Variants in GLB1L3 observed in about 807,000 individuals in gnomAD.
GLB1L3 encodes galactosidase beta 1 like 3.
A neutral mutation model predicts 89.5 loss-of-function variants in GLB1L3; 89 were observed. The ratio of observed to expected loss-of-function variants is 0.99; its 90% confidence interval spans 0.84 to 1.19. GLB1L3 has a LOEUF of 1.19. Among genes scored for constraint, GLB1L3 ranks in the 50% most tolerant of loss-of-function variants. The pLI is 0.00. For missense variants in GLB1L3, 812 were observed against 813.3 expected, an observed-to-expected ratio of 1.00 and a Z score of 0.02; for synonymous variants, 314 against 312.3, an observed-to-expected ratio of 1.01 and a Z score of -0.06.
chr11:134,289,486 G>A (rs368219368), intron 7 of GLB1L3, among the ~76,000 whole-genome samples: 1 of 152,168 alleles, frequency 6.6e-6, no homozygotes, highest in South Asian at 2.1e-4. Flanking sequence ...AGGTTCAACT[G>A]TAGATCAAGT....
intron 3 of GLB1L3, among the ~76,000 whole-genome samples, chr11:134,279,443 T>C (rs149628353): frequency 4.8e-5 from 7 of 147,178 alleles, no homozygotes; most frequent in African/African-American, 7.4e-5. Flanking sequence ...CTCTGCTCAC[T>C]GCAACCTCCC....
chr11:134,320,536 G>GGT (rs1370612386), downstream of GLB1L3, among the ~76,000 whole-genome samples: 1 of 152,106 alleles, frequency 6.6e-6, no homozygotes, highest in African/African-American at 2.4e-5. Context: ...GAGAAACCAA[G>GGT]GTTCAAAGAG....
At chr11:134,282,254 G>A (rs573125881) in intron 5 of GLB1L3, 134 bp downstream of exon 5, 129 of 1,108,522 alleles carry the variant, frequency 1.2e-4, no homozygotes, top group East Asian at 8.9e-4. Flanking sequence ...CCCACGCCAC[G>A]CACCGTGCCT....
intron 15 of GLB1L3, 101 bp from the exon 16 acceptor site, chr11:134,313,295 C>G: frequency 1.2e-6 from 1 of 825,044 alleles, no homozygotes; most frequent in Non-Finnish European, 2.0e-6. Flanking sequence ...GCCTCCTGTT[C>G]TCCCATGTGT....
chr11:134,314,872 T>C (rs1942912605), intron 18 of GLB1L3, among the ~76,000 whole-genome samples: 1 of 152,364 alleles, frequency 6.6e-6, no homozygotes, highest in East Asian at 1.9e-4. Context: ...GTTGGTAAGT[T>C]AGTTTTTACT....
chr11:134,296,083 A>G (rs1266122117), intron 9 of GLB1L3, among the ~76,000 whole-genome samples: 1 of 152,226 alleles, frequency 6.6e-6, no homozygotes, highest in Non-Finnish European at 1.5e-5. Context: ...ATGTGTAGTC[A>G]TGAAAAAATG....
At chr11:134,292,288 G>A (rs980967168) in intron 8 of GLB1L3, 75 bp downstream of exon 8, 20 of 1,042,644 alleles carry the variant, frequency 1.9e-5, no homozygotes, top group Non-Finnish European at 2.8e-5. Context: ...ACACTGCAGA[G>A]AAAACCAAGT....
At chr11:134,319,691 C>CCTCT (rs34982949), downstream of GLB1L3, 3,936 of 143,300 alleles carry the variant, frequency 0.027, 63 homozygotes, top group South Asian at 0.041. Flanking sequence ...CGGTCTCCCT[C>CCTCT]CTCTCTCTCT....
intron 6 of GLB1L3, among the ~76,000 whole-genome samples, chr11:134,286,755 C>G (rs181329087): frequency 6.7e-6 from 1 of 150,238 alleles, no homozygotes; most frequent in Non-Finnish European, 1.5e-5. Flanking sequence ...CCAGCCTGGG[C>G]GACAGAGCGA....
chr11:134,292,797 A>G (rs1941428454), intron 8 of GLB1L3: 1 of 413,770 alleles, frequency 2.4e-6, no homozygotes, highest in Non-Finnish European at 4.4e-6. Context: ...CCTCCTTAGT[A>G]GTGGCTCTTC....
At chr11:134,301,180 G>C (rs1045235490) in intron 9 of GLB1L3, among the ~76,000 whole-genome samples, 8 of 152,180 alleles carry the variant, frequency 5.3e-5, no homozygotes, top group African/African-American at 1.9e-4. Flanking sequence ...GCAGGCATCA[G>C]GTTTTCCATG....
chr11:134,316,880 G>A (rs1943006950), intron 18 of GLB1L3: 1 of 152,186 alleles, frequency 6.6e-6, no homozygotes, highest in South Asian at 2.1e-4. Flanking sequence ...CCATGTTTTG[G>A]GGGACATTGA....
chr11:134,277,532 C>A, intron 2 of GLB1L3, 81 bp downstream of exon 2: 1 of 1,560,778 alleles, frequency 6.4e-7, no homozygotes, highest in Non-Finnish European at 8.8e-7. Flanking sequence ...CGAATATGCA[C>A]AGAACACGTC....
chr11:134,284,816 AT>A (rs991345555), intron 6 of GLB1L3, among the ~76,000 whole-genome samples: 1 of 152,054 alleles, frequency 6.6e-6, no homozygotes, highest in Non-Finnish European at 1.5e-5. Flanking sequence ...TTGTAAAAAA[AT>A]AACTTGCACC....
chr11:134,314,706 T>C (rs1347380207), intron 18 of GLB1L3, among the ~76,000 whole-genome samples: 1 of 152,172 alleles, frequency 6.6e-6, no homozygotes, highest in Admixed American at 6.5e-5. Flanking sequence ...CCCACCCCCA[T>C]TCCAATTAGT....
chr11:134,286,933 G>T (rs1941031707), intron 6 of GLB1L3, among the ~76,000 whole-genome samples: 1 of 151,182 alleles, frequency 6.6e-6, no homozygotes, highest in Admixed American at 6.6e-5. Context: ...GGCCGAGGTG[G>T]GTGGATCACG....
At position 134,319,248 on chromosome 11, in the gene GLB1L3, C is replaced by T; in HGVS notation, c.*306C>T. On this transcript the variant is annotated 3_prime_UTR_variant, in exon 20 of 20. Transcript: ENST00000431683. Reference sequence around the variant, plus strand: ...GGATTACAGGCGTGAGCCACCACTCCCGGCCGTGAACATATTTTTTGGGTT... The same window carrying T: ...GGATTACAGGCGTGAGCCACCACTCTCGGCCGTGAACATATTTTTTGGGTT... 4.0e-6 allele frequency: 1 copy of T among 252,192 alleles called. No homozygotes were observed. Among genetic ancestry groups the T allele is most frequent in the Admixed American group, 5.1e-5 (1 of 19,614 alleles). The allele number at this position is 252,192 out of a possible 1,614,324, so 15.6% of individuals were successfully genotyped here.
intron 9 of GLB1L3, among the ~76,000 whole-genome samples, chr11:134,302,618 T>C (rs1309748174): frequency 1.3e-5 from 2 of 152,194 alleles, no homozygotes; most frequent in Admixed American, 1.3e-4. Context: ...TGTACTAAGG[T>C]TACATGGAAT....
intron 16 of GLB1L3, 149 bp downstream of exon 16, chr11:134,313,623 C>T (rs1204410401): frequency 1.4e-5 from 10 of 718,702 alleles, no homozygotes; most frequent in African/African-American, 5.2e-5. Context: ...ATCGGCCCCT[C>T]GCCCTTGTCT....
Sources: gnomAD v4.1 joint callset for allele counts (sites outside exome capture counted in the v4.1 genomes callset) on GRCh38, gnomAD v4.1.1 for gene constraint, MANE v1.5 for transcripts, NCBI Gene and HGNC (gene_info 2026-07-23, HGNC 2026-07-21) for gene names.